Variants in FBXO7 observed in about 807,000 individuals in gnomAD.
FBXO7 encodes the protein F-box protein 7, also known as F-box only protein 7.
Under a neutral mutation model 50.2 loss-of-function variants are expected in FBXO7, and 31 were observed. The observed-to-expected ratio is 0.62, with a 90% CI of 0.46 to 0.83. The LOEUF is 0.83. FBXO7 is among the 40% of genes least tolerant of loss of function. FBXO7 has a pLI of 0.00. For missense variants in FBXO7, 667 were observed against 646.6 expected (o/e 1.03, Z -0.34); for synonymous variants, 256 against 253.1 (o/e 1.01, Z -0.11).
chr22:32,481,327 T>A (rs937048085), intron 2 of FBXO7, among the ~76,000 whole-genome samples: 1 of 152,232 alleles, frequency 6.6e-6, no homozygotes, highest in African/African-American at 2.4e-5. Context: ...TGAGTCTTTT[T>A]TGCTGATAGA....
At chr22:32,489,316 C>A (rs2057519566) in intron 5 of FBXO7, 1 of 152,182 alleles carries the variant, frequency 6.6e-6, no homozygotes, top group African/African-American at 2.4e-5. Context: ...CGTCAAGGAC[C>A]AGTTTTTGCC....
At chr22:32,484,932 AATG>A (rs2057488915) in intron 3 of FBXO7, 133 bp from the exon 4 acceptor site, 2 of 927,412 alleles carry the variant, frequency 2.2e-6, no homozygotes, top group Non-Finnish European at 1.7e-6. Context: ...TGGCAATGTT[AATG>A]ATTTGATGCA....
Position 32,491,169 on chromosome 22 carries a change from T to C in FBXO7, c.955T>C (p.Phe319Leu). The stretch of plus-strand genomic sequence containing the variant: ...CCAGCTGGTGTATCCTCTTCTGGCT[T>C]TTACCCGACAAGGTAAGAGATGAAA... Reference protein sequence around the residue: ...KDQLVYPLLAFTRQALNLPDV... With the variant: ...KDQLVYPLLALTRQALNLPDV... Residue 319 changes from phenylalanine (F) to leucine (L), a missense_variant, in exon 6 of 9, where the codon TTT (phenylalanine) becomes CTT (leucine). By Grantham distance (22) the Phe-to-Leu change is conservative. Transcript: ENST00000266087. 6.2e-7 allele frequency: 1 copy of C among 1,605,182 alleles called. No individual in the cohort carries two copies. The highest frequency in any genetic ancestry group is 8.5e-7 in the Non-Finnish European group (1 of 1,172,060).
rs886057419 is a variant in FBXO7, at chr22:32,474,910, G to A, written c.-93G>A. The A allele has an allele frequency of 5.8e-5, 75 of 1,284,716 alleles. No individual in the cohort carries two copies. The highest frequency in any genetic ancestry group is 2.7e-4 in the Middle Eastern group (1 of 3,754). 79.6% of individuals were successfully genotyped at this position (1,284,716 alleles called of 1,614,324 possible). A position where few individuals can be genotyped will look rare whatever the true frequency, so the allele number is the denominator to read the frequency against. On this transcript the variant is annotated 5_prime_UTR_variant, in exon 1 of 9. Transcript: ENST00000266087. Reference sequence around the variant, plus strand: ...TCAGCTCCGGTAGTCGCCAGTCCGGGGTCGTCGCCGTTTGGGGCGGGAGCT... The same window carrying A: ...TCAGCTCCGGTAGTCGCCAGTCCGGAGTCGTCGCCGTTTGGGGCGGGAGCT...
intron 2 of FBXO7, among the ~76,000 whole-genome samples, chr22:32,480,629 C>A (rs113667470): frequency 4.6e-5 from 7 of 152,040 alleles, no homozygotes; most frequent in African/African-American, 1.7e-4. Flanking sequence ...TATTGATTAT[C>A]TGATTATCTT....
intron 2 of FBXO7, among the ~76,000 whole-genome samples, chr22:32,482,343 C>T (rs1034405998): frequency 3.3e-5 from 5 of 152,170 alleles, no homozygotes; most frequent in East Asian, 1.9e-4. Flanking sequence ...CTGTCACCTC[C>T]GGCTCCCCTC....
rs1328219815 is a variant in FBXO7, at chr22:32,479,282, A to G, written c.417+7A>G. ...TTGGAATGACGACAGTATGGTGGGT[A>G]TTAAACACCAATATATCAAATAGAG... On this transcript the variant is annotated splice_region_variant and intron_variant, in intron 2 of 8. Coordinates refer to ENST00000266087, the MANE Select transcript of FBXO7 (RefSeq NM_012179.4). 1 of 1,614,016 alleles carries G rather than the reference A, an allele frequency of 6.2e-7. No individual in the cohort carries two copies. Among genetic ancestry groups the G allele is most frequent in the Non-Finnish European group, 8.5e-7 (1 of 1,179,898 alleles).
rs1258438637 is a variant in FBXO7 at position 32,481,739 on chromosome 22, C to G, written c.418-2158C>G. Among the ~76,000 whole-genome samples the G allele has an allele frequency of 2.0e-5, 3 of 152,150 alleles. No individual in the cohort carries two copies. In the East Asian group the frequency reaches 5.8e-4, roughly 29 times the overall value. The stretch of plus-strand genomic sequence containing the variant: ...TATTTCATCATATTTGGGAATTCAT[C>G]GAGTGCCTCTTGAGTCTTTAATGAG... On this transcript the variant is annotated intron_variant, in intron 2 of 8. Coordinates refer to ENST00000266087, the MANE Select transcript of FBXO7 (RefSeq NM_012179.4).
intron 1 of FBXO7, 91 bp from the exon 2 acceptor site, chr22:32,478,890 T>A (rs2057445177): frequency 1.7e-6 from 2 of 1,208,060 alleles, no homozygotes; most frequent in Non-Finnish European, 2.5e-6. Flanking sequence ...TCTTCTAGGG[T>A]CATACTGTGT....
intron 7 of FBXO7, among the ~76,000 whole-genome samples, chr22:32,493,861 T>A (rs529459051): frequency 6.6e-6 from 1 of 152,258 alleles, no homozygotes; most frequent in South Asian, 2.1e-4. Context: ...TGAAATCCAT[T>A]TAATGGGTCA....
At chr22:32,481,477 C>G (rs913350561) in intron 2 of FBXO7, among the ~76,000 whole-genome samples, 1 of 152,050 alleles carries the variant, frequency 6.6e-6, no homozygotes, top group African/African-American at 2.4e-5. Context: ...ATTAATGTTG[C>G]CTGAAGTTAC....
intron 4 of FBXO7, among the ~76,000 whole-genome samples, chr22:32,485,603 T>C (rs1247244907): frequency 6.6e-6 from 1 of 152,164 alleles, no homozygotes; most frequent in African/African-American, 2.4e-5. Flanking sequence ...ACGAAGGTCT[T>C]GAACTGAGAC....
chr22:32,498,405 T>A lies in FBXO7; in HGVS notation c.1444T>A (p.Phe482Ile), dbSNP rs754281845. The change falls in exon 9 of 9, where the codon TTT (phenylalanine) becomes ATT (isoleucine). Residue 482 changes from phenylalanine to isoleucine, a missense_variant. Coordinates refer to ENST00000266087, the MANE Select transcript of FBXO7 (RefSeq NM_012179.4). ...CCAGTTTCCTCCACTGAGACCACGC[T>A]TTGATCCAGTTGGCCCACTTCCAGG... Reference protein sequence around the residue: ...PSQFPPLRPRFDPVGPLPGPN... With the variant: ...PSQFPPLRPRIDPVGPLPGPN... 3.1e-6 allele frequency: 5 copies of A among 1,614,074 alleles called. No homozygotes were observed. The highest frequency in any genetic ancestry group is 3.3e-5 in the Admixed American group (2 of 60,000).
rs1028753853 is a variant in FBXO7 at position 32,475,467 on chromosome 22, C to CT, written c.122+344dup. On this transcript the variant is annotated intron_variant, in intron 1 of 8. Coordinates refer to ENST00000266087, the MANE Select transcript of FBXO7 (RefSeq NM_012179.4). ...AGGAGGGAACGCACAATTTCCACAACTGGTTAGATTTCAAGTTGGAAATGA... is the reference window on the plus strand; with the variant it reads ...AGGAGGGAACGCACAATTTCCACAACTTGGTTAGATTTCAAGTTGGAAATGA... 1.1e-5 allele frequency: 18 copies of CT among 1,579,852 alleles called. No individual in the cohort carries two copies. In the African/African-American group the frequency reaches 2.3e-4, roughly 21 times the overall value.
At chr22:32,484,932 A>G in intron 3 of FBXO7, 136 bp from the exon 4 acceptor site, 2 of 927,530 alleles carry the variant, frequency 2.2e-6, no homozygotes, top group Middle Eastern at 2.5e-4. Flanking sequence ...TGGCAATGTT[A>G]ATGATTTGAT....
intron 2 of FBXO7, among the ~76,000 whole-genome samples, chr22:32,480,565 C>T (rs2057458176): frequency 2.0e-5 from 3 of 152,140 alleles, no homozygotes; most frequent in African/African-American, 7.2e-5. Context: ...TATTTCTACC[C>T]ATCTTCCTAA....
intron 1 of FBXO7, among the ~76,000 whole-genome samples, chr22:32,477,774 C>T (rs1331907939): frequency 6.6e-6 from 1 of 152,220 alleles, no homozygotes; most frequent in Non-Finnish European, 1.5e-5. Flanking sequence ...TCACGCTCAT[C>T]TCTTGATCTT....
chr22:32,482,842 T>C (rs1285054020), intron 2 of FBXO7, among the ~76,000 whole-genome samples: 1 of 152,224 alleles, frequency 6.6e-6, no homozygotes, highest in African/African-American at 2.4e-5. Context: ...TGGTTTTTTA[T>C]AAACTTGCAG....
chr22:32,477,875 T>C (rs184317214), intron 1 of FBXO7, among the ~76,000 whole-genome samples: 106 of 152,356 alleles, frequency 7.0e-4, no homozygotes, highest in Admixed American at 2.7e-3. Context: ...ACAAGATCGC[T>C]GATCTTATGA....
Sources: gnomAD v4.1 joint callset for allele counts (sites outside exome capture counted in the v4.1 genomes callset) on GRCh38, gnomAD v4.1.1 for gene constraint, MANE v1.5 for transcripts, NCBI Gene and HGNC (gene_info 2026-07-23, HGNC 2026-07-21) for gene names.